Variants in HDAC9 observed in about 807,000 individuals in gnomAD.
The protein encoded by HDAC9 is MEF-2 interacting transcription repressor (MITR) protein.
In HDAC9, 41 loss-of-function variants were observed where a neutral mutation model predicts 139.4. The observed-to-expected ratio is 0.29, with a 90% CI of 0.23 to 0.38. The LOEUF is 0.38. HDAC9 is among the 10% of genes least tolerant of loss of function. HDAC9 has a pLI of 1.00. For missense variants in HDAC9, 1,147 were observed against 1,297.0 expected (o/e 0.88, Z 1.78); for synonymous variants, 517 against 476.2 (o/e 1.09, Z -1.12).
At chr7:18,472,711 A>T (rs534928408) in intron 1 of HDAC9, among the ~76,000 whole-genome samples, 4 of 152,242 alleles carry the variant, frequency 2.6e-5, no homozygotes, top group Admixed American at 2.6e-4. Flanking sequence ...CACCCTTTCT[A>T]AATACATAGA....
chr7:18,288,544 G>A (rs1797600345), upstream of HDAC9, among the ~76,000 whole-genome samples: 1 of 152,104 alleles, frequency 6.6e-6, no homozygotes. Flanking sequence ...AGTAGGGCAG[G>A]CATCAGATGA....
intron 2 of HDAC9, among the ~76,000 whole-genome samples, chr7:18,507,251 C>T (rs996680582): frequency 6.0e-5 from 9 of 150,602 alleles, no homozygotes; most frequent in Admixed American, 1.3e-4. Flanking sequence ...AGTGCAGTGG[C>T]GCGATCTCGG....
At chr7:18,394,754 G>A (rs1338158721) in intron 1 of HDAC9, among the ~76,000 whole-genome samples, 1 of 152,086 alleles carries the variant, frequency 6.6e-6, no homozygotes, top group Non-Finnish European at 1.5e-5. Flanking sequence ...ATGTCAGGCT[G>A]TAACAAGGCT....
intron 1 of HDAC9, among the ~76,000 whole-genome samples, chr7:18,436,324 G>T (rs1791199464): frequency 6.6e-6 from 1 of 152,100 alleles, no homozygotes; most frequent in Non-Finnish European, 1.5e-5. Flanking sequence ...AAAGGTTTAG[G>T]CAGTAATCTT....
intron 1 of HDAC9, among the ~76,000 whole-genome samples, chr7:18,118,630 T>G (rs553365226): frequency 2.2e-4 from 34 of 152,360 alleles, no homozygotes; most frequent in South Asian, 4.1e-4. Context: ...AACAGCATTA[T>G]GTACAGCAGA....
intron 1 of HDAC9, among the ~76,000 whole-genome samples, chr7:18,379,702 T>G (rs573002541): frequency 1.3e-5 from 2 of 152,210 alleles, no homozygotes; most frequent in Non-Finnish European, 2.9e-5. Context: ...CCCCAGTATT[T>G]GTTCTTCTGT....
chr7:18,492,500 GA>G (rs759514479), upstream of HDAC9, among the ~76,000 whole-genome samples: 1 of 151,882 alleles, frequency 6.6e-6, no homozygotes, highest in East Asian at 1.9e-4. Context: ...GAGAACCTGA[GA>G]TTTTTTTGGC....
intron 1 of HDAC9, among the ~76,000 whole-genome samples, chr7:18,476,739 A>G (rs774410715): frequency 6.6e-6 from 1 of 152,148 alleles, no homozygotes; most frequent in Non-Finnish European, 1.5e-5. Flanking sequence ...ACTTATCTGT[A>G]TATCTCTGTT....
intron 2 of HDAC9, among the ~76,000 whole-genome samples, chr7:18,240,699 C>T (rs1250945035): frequency 6.6e-6 from 1 of 152,130 alleles, no homozygotes; most frequent in Non-Finnish European, 1.5e-5. Flanking sequence ...AGAACAAAAT[C>T]TAGAAAAGTC....
chr7:18,752,915 C>A (rs1369579271), intron 14 of HDAC9, among the ~76,000 whole-genome samples: 1 of 152,048 alleles, frequency 6.6e-6, no homozygotes. Context: ...TTGCTCAGAT[C>A]TAAACTCAGA....
chr7:18,667,855 C>T, intron 12 of HDAC9: 1 of 983,578 alleles, frequency 1.0e-6, no homozygotes, highest in Non-Finnish European at 1.2e-6. Flanking sequence ...GATATGTTTA[C>T]CTTGTTTTAT....
At chr7:18,750,723 A>T (rs1305973713) in intron 14 of HDAC9, among the ~76,000 whole-genome samples, 1 of 152,200 alleles carries the variant, frequency 6.6e-6, no homozygotes, top group East Asian at 1.9e-4. Flanking sequence ...ATGCAATCCC[A>T]TATGGAGTCC....
intron 2 of HDAC9, among the ~76,000 whole-genome samples, chr7:18,563,838 C>CT (rs374816857): frequency 0.3 from 40,430 of 132,906 alleles, 6,391 homozygotes; most frequent in Admixed American, 0.35. Context: ...TGATTTGCTG[C>CT]TTTTTTTTTT....
intron 21 of HDAC9, among the ~76,000 whole-genome samples, chr7:18,845,538 A>G (rs1796848477): frequency 6.6e-6 from 1 of 152,142 alleles, no homozygotes; most frequent in South Asian, 2.1e-4. Context: ...CTGGTGCTTT[A>G]TGTATTGTTT....
At chr7:18,700,191 T>C (rs1231871385) in intron 12 of HDAC9, among the ~76,000 whole-genome samples, 1 of 152,198 alleles carries the variant, frequency 6.6e-6, no homozygotes, top group East Asian at 1.9e-4. Flanking sequence ...ATTACTAGAT[T>C]TGGATGTTTC....
intron 2 of HDAC9, among the ~76,000 whole-genome samples, chr7:18,178,900 CTAAT>C (rs1789171400): frequency 6.6e-6 from 1 of 152,130 alleles, no homozygotes; most frequent in Non-Finnish European, 1.5e-5. Context: ...AAGTGATAGA[CTAAT>C]AAATATTTTA....
At chr7:18,761,842 G>A (rs1180389476) in intron 14 of HDAC9, among the ~76,000 whole-genome samples, 3 of 152,146 alleles carry the variant, frequency 2.0e-5, no homozygotes, top group Non-Finnish European at 4.4e-5. Context: ...CTAAATAGTA[G>A]CCCTGTTGGT....
At chr7:18,538,083 G>GT (rs1175443738) in intron 2 of HDAC9, among the ~76,000 whole-genome samples, 1 of 152,176 alleles carries the variant, frequency 6.6e-6, no homozygotes, top group Non-Finnish European at 1.5e-5. Context: ...AACTACAGTA[G>GT]TTTTTTTCTG....
intron 2 of HDAC9, among the ~76,000 whole-genome samples, chr7:18,184,717 G>A (rs1055954955): frequency 4.6e-5 from 7 of 152,014 alleles, no homozygotes; most frequent in Non-Finnish European, 7.4e-5. Context: ...CTTGACCCTC[G>A]GATTATTTCA....
Sources: allele counts gnomAD v4.1 joint callset (sites outside exome capture counted in the v4.1 genomes callset), GRCh38; gene constraint gnomAD v4.1.1; transcripts MANE v1.5; gene names NCBI Gene and HGNC (gene_info 2026-07-23, HGNC 2026-07-21).